Variants in TPH2 observed in about 807,000 individuals in gnomAD.
TPH2 encodes tryptophan hydroxylase 2, also known as tryptophan 5-hydroxylase 2.
Under a neutral mutation model 59.1 loss-of-function variants are expected in TPH2, and 27 were observed. The observed-to-expected ratio is 0.46, with a 90% CI of 0.34 to 0.63. The LOEUF is 0.63. TPH2 is among the 30% of genes least tolerant of loss of function. The pLI is 0.01. For missense variants in TPH2, 523 were observed against 588.3 expected, an observed-to-expected ratio of 0.89 and a Z score of 1.15; for synonymous variants, 220 against 210.5, an observed-to-expected ratio of 1.05 and a Z score of -0.39.
intron 5 of TPH2, among the ~76,000 whole-genome samples, chr12:71,950,231 G>A (rs1871307555): frequency 6.6e-6 from 1 of 152,198 alleles, no homozygotes; most frequent in Admixed American, 6.5e-5. Flanking sequence ...CTAAGTGGCA[G>A]TGACTTTCAC....
rs184167616 is a variant in TPH2, at chr12:71,961,479, T to C, written c.609-11040T>C. ...GGGCCTAGTAGTTAGCTGTGTTCTGTCTCTTTCAAACAAGGTGCAAGATGT... is the reference window on the plus strand; with the variant it reads ...GGGCCTAGTAGTTAGCTGTGTTCTGCCTCTTTCAAACAAGGTGCAAGATGT... On this transcript the variant is annotated intron_variant, in intron 5 of 10. Coordinates refer to ENST00000333850, the MANE Select transcript of TPH2 (RefSeq NM_173353.4). 3.1e-6 allele frequency: 4 copies of C among 1,302,648 alleles called. No individual in the cohort carries two copies. In the East Asian group the frequency reaches 1.4e-4, roughly 45 times the overall value. 80.7% of individuals were successfully genotyped at this position (1,302,648 alleles called of 1,614,324 possible). A position where few individuals can be genotyped will look rare whatever the true frequency, so the allele number is the denominator to read the frequency against.
chr12:72,030,680 G>A (rs1873696255), intron 9 of TPH2, among the ~76,000 whole-genome samples: 2 of 151,992 alleles, frequency 1.3e-5, no homozygotes, highest in South Asian at 4.2e-4. Flanking sequence ...TTGCTCTGCT[G>A]TACTTGGTGG....
chr12:71,962,615 C>T, intron 5 of TPH2: 4 of 985,400 alleles, frequency 4.1e-6, no homozygotes, highest in Non-Finnish European at 4.8e-6. Flanking sequence ...CAAATACATA[C>T]CTGCCAGACT....
rs527620193 is a variant in TPH2 at position 71,980,967 on chromosome 12, A to C, written c.941+1880A>C. ...TTTTTAAAGCAGTTCACATTCTGGC[A>C]GCAGAGATAGAAAAACAAATAATTA... is the stretch of plus-strand genomic sequence containing the variant. On this transcript the variant is annotated intron_variant, in intron 7 of 10. Transcript: ENST00000333850. Among the ~76,000 whole-genome samples the C allele has an allele frequency of 2.0e-5, 3 of 152,338 alleles. No homozygotes were observed. In the East Asian group the frequency reaches 5.8e-4, roughly 29 times the overall value.
chr12:72,029,166 G>A (rs1237395543), intron 9 of TPH2, among the ~76,000 whole-genome samples: 1 of 152,190 alleles, frequency 6.6e-6, no homozygotes, highest in African/African-American at 2.4e-5. Context: ...ACAAACAGAT[G>A]AGTTTCACTT....
chr12:72,021,605 T>G (rs1873421631), intron 8 of TPH2, among the ~76,000 whole-genome samples: 1 of 152,302 alleles, frequency 6.6e-6, no homozygotes, highest in African/African-American at 2.4e-5. Context: ...GTAAGTGTTC[T>G]GAGCACTGTT....
In TPH2 at chr12:71,961,909, TAAC is replaced by T. The variant is rs984923702; in HGVS notation, c.609-10606_609-10604del. ...TCTCTTGTAAAGGCAGCACCAATAT[TAAC>T]AACGCGAACAAAACAAACTAATGTT... is the stretch of plus-strand genomic sequence containing the variant. On this transcript the variant is annotated intron_variant, in intron 5 of 10. Coordinates refer to ENST00000333850, the MANE Select transcript of TPH2 (RefSeq NM_173353.4). The T allele has an allele frequency of 9.3e-6, 10 of 1,076,024 alleles. No homozygotes were observed. In the African/African-American group the frequency reaches 1.7e-4, roughly 18 times the overall value. The allele number at this position is 1,076,024 out of a possible 1,614,324, so 66.7% of individuals were successfully genotyped here.
At chr12:71,951,571 C>A (rs1214154452) in intron 5 of TPH2, among the ~76,000 whole-genome samples, 1 of 152,184 alleles carries the variant, frequency 6.6e-6, no homozygotes, top group African/African-American at 2.4e-5. Flanking sequence ...TGTTCTCAAA[C>A]TCCTGGGCTC....
At chr12:71,981,603 G>T (rs927650753) in intron 7 of TPH2, among the ~76,000 whole-genome samples, 16 of 152,138 alleles carry the variant, frequency 1.1e-4, no homozygotes, top group Non-Finnish European at 2.9e-5. Flanking sequence ...ACTACAATAG[G>T]GGTGAGACGA....
At chr12:72,023,892 T>G (rs1873498577) in intron 9 of TPH2, among the ~76,000 whole-genome samples, 1 of 151,220 alleles carries the variant, frequency 6.6e-6, no homozygotes, top group African/African-American at 2.4e-5. Context: ...TTCTGGTGCT[T>G]TAGACATATT....
chr12:71,938,891 A>G lies in TPH2; in HGVS notation c.-96A>G, dbSNP rs1870972127. ...GTTCTGGACAGCGCCCCAAGCAGGC[A>G]GCTGATCGCACGCCCCTTCCTCTCA... On this transcript the variant is annotated 5_prime_UTR_variant, in exon 1 of 11. Transcript: ENST00000333850. 3 of 1,029,980 alleles carry G rather than the reference A, an allele frequency of 2.9e-6. No individual in the cohort carries two copies. Among genetic ancestry groups the G allele is most frequent in the Admixed American group, 1.7e-5 (1 of 58,878 alleles). 63.8% of individuals were successfully genotyped at this position (1,029,980 alleles called of 1,614,324 possible).
At chr12:71,974,290 C>T (rs893778683) in intron 6 of TPH2, among the ~76,000 whole-genome samples, 2 of 152,102 alleles carry the variant, frequency 1.3e-5, no homozygotes, top group Admixed American at 6.5e-5. Context: ...AACACATTAC[C>T]ACAAACTTTG....
Position 71,979,067 on chromosome 12 carries a change from T to G in TPH2, c.921T>G (p.Asp307Glu). 1 of 1,614,072 alleles carries G rather than the reference T, an allele frequency of 6.2e-7. No individual in the cohort carries two copies. Among genetic ancestry groups the G allele is most frequent in the Non-Finnish European group, 8.5e-7 (1 of 1,180,002 alleles). ...CCCAGTACATCCGGCATGGCTCAGATCCCCTCTACACCCCAGAACCGTGAG... is the reference window on the plus strand; with the variant it reads ...CCCAGTACATCCGGCATGGCTCAGAGCCCCTCTACACCCCAGAACCGTGAG... ...HCTQYIRHGSDPLYTPEPDTC... is the reference protein window; with the variant it reads ...HCTQYIRHGSEPLYTPEPDTC... Residue 307 changes from aspartate to glutamate, a missense_variant, in exon 7 of 11, where the codon GAT becomes GAG. By Grantham distance (45) the Asp-to-Glu change is conservative. Transcript: ENST00000333850.
At chr12:71,962,340 A>G in intron 5 of TPH2, 4 of 985,462 alleles carry the variant, frequency 4.1e-6, no homozygotes, top group Non-Finnish European at 4.8e-6. Flanking sequence ...TCAGCCAAGG[A>G]AACATCTCTG....
At chr12:71,959,663 C>T (rs969547930) in intron 5 of TPH2, among the ~76,000 whole-genome samples, 5 of 151,922 alleles carry the variant, frequency 3.3e-5, no homozygotes, top group Non-Finnish European at 4.4e-5. Context: ...TAAAGGAATA[C>T]ATTACTAAAG....
chr12:71,985,429 C>T (rs1197654926), intron 7 of TPH2, among the ~76,000 whole-genome samples: 1 of 152,046 alleles, frequency 6.6e-6, no homozygotes, highest in African/African-American at 2.4e-5. Context: ...GACGGAGTCC[C>T]ACTCTGTTGC....
chr12:71,987,641 G>A (rs989976119), intron 7 of TPH2, among the ~76,000 whole-genome samples: 1 of 152,134 alleles, frequency 6.6e-6, no homozygotes, highest in Non-Finnish European at 1.5e-5. Context: ...CTGAGGTCAC[G>A]AGTTTGAGAC....
intron 5 of TPH2, among the ~76,000 whole-genome samples, chr12:71,961,114 A>T (rs1475661798): frequency 6.6e-6 from 1 of 152,200 alleles, no homozygotes. Flanking sequence ...TTGGGTACTC[A>T]GTACCTTGTA....
At chr12:71,940,471 C>G (rs1382906848) in intron 1 of TPH2, among the ~76,000 whole-genome samples, 4 of 152,168 alleles carry the variant, frequency 2.6e-5, no homozygotes, top group Non-Finnish European at 5.9e-5. Flanking sequence ...TAACTATTCA[C>G]TGGGTCCCAA....
Sources: allele counts gnomAD v4.1 joint callset (sites outside exome capture counted in the v4.1 genomes callset), GRCh38; gene constraint gnomAD v4.1.1; transcripts MANE v1.5; gene names NCBI Gene and HGNC (gene_info 2026-07-23, HGNC 2026-07-21).